HS3ST4: variants seen among roughly 807,000 people sequenced by gnomAD.
HS3ST4 encodes the protein heparan sulfate-glucosamine 3-sulfotransferase 4.
A neutral mutation model predicts 29.2 loss-of-function variants in HS3ST4; 17 were observed. The observed-to-expected ratio is 0.58, with a 90% CI of 0.40 to 0.87. The LOEUF (loss-of-function observed/expected upper bound fraction) is 0.87, where lower values mean the gene tolerates loss of function less well. Ranked by LOEUF, HS3ST4 falls within the 40% of genes least tolerant of loss-of-function variation. The pLI, the probability that HS3ST4 is intolerant of heterozygous loss-of-function variation, is 0.00. For missense variants in HS3ST4, 627 were observed against 634.5 expected (o/e 0.99, Z 0.13); for synonymous variants, 314 against 285.7 (o/e 1.10, Z -1.00).
At chr16:25,746,891 C>T (rs1004310769) in intron 1 of HS3ST4, among the ~76,000 whole-genome samples, 12 of 151,998 alleles carry the variant, frequency 7.9e-5, no homozygotes, top group South Asian at 2.1e-4. Context: ...CTCCATCACC[C>T]GTGCTGAAAT....
At chr16:26,022,452 T>C (rs1004514494) in intron 1 of HS3ST4, among the ~76,000 whole-genome samples, 1 of 152,132 alleles carries the variant, frequency 6.6e-6, no homozygotes, top group Non-Finnish European at 1.5e-5. Context: ...ATGCTCTAAA[T>C]CAAGGGCCCA....
chr16:26,002,716 G>T (rs1156853300), intron 1 of HS3ST4, among the ~76,000 whole-genome samples: 1 of 128,298 alleles, frequency 7.8e-6, no homozygotes, highest in Non-Finnish European at 1.7e-5. Context: ...GGGAAGGAAG[G>T]AAGGGAGGGA....
chr16:25,942,335 G>A (rs77690898), intron 1 of HS3ST4, among the ~76,000 whole-genome samples: 7,101 of 152,232 alleles, frequency 0.047, 238 homozygotes, highest in East Asian at 0.096. Context: ...CCAGTGAAGA[G>A]TTCTGAATGT....
intron 1 of HS3ST4, among the ~76,000 whole-genome samples, chr16:26,064,031 G>T (rs1344072317): frequency 6.6e-6 from 1 of 152,150 alleles, no homozygotes; most frequent in Non-Finnish European, 1.5e-5. Flanking sequence ...AGTCGATTAG[G>T]TTTATGACTA....
chr16:25,972,221 G>T (rs1017713071), intron 1 of HS3ST4, among the ~76,000 whole-genome samples: 2 of 152,298 alleles, frequency 1.3e-5, no homozygotes, highest in South Asian at 4.1e-4. Flanking sequence ...TGTAACAGGC[G>T]GTTGTATGGG....
At chr16:25,752,920 G>T (rs927348792) in intron 1 of HS3ST4, among the ~76,000 whole-genome samples, 5 of 152,140 alleles carry the variant, frequency 3.3e-5, no homozygotes, top group African/African-American at 1.2e-4. Context: ...TTAGACTGAC[G>T]GTATTATAGA....
intron 1 of HS3ST4, among the ~76,000 whole-genome samples, chr16:26,019,337 T>C (rs755095885): frequency 6.6e-6 from 1 of 152,220 alleles, no homozygotes. Context: ...TCATTATGTA[T>C]GCAAAAATGG....
intron 1 of HS3ST4, among the ~76,000 whole-genome samples, chr16:25,950,247 G>C (rs564805002): frequency 1.2e-4 from 18 of 152,070 alleles, no homozygotes; most frequent in African/African-American, 4.3e-4. Flanking sequence ...CTTTGGCCTG[G>C]GTCTTCATCT....
intron 1 of HS3ST4, among the ~76,000 whole-genome samples, chr16:26,078,076 T>TA (rs1287126849): frequency 6.6e-6 from 1 of 152,288 alleles, no homozygotes; most frequent in East Asian, 1.9e-4. Flanking sequence ...AAAAAATATG[T>TA]AAAAAAATGA....
intron 1 of HS3ST4, among the ~76,000 whole-genome samples, chr16:25,989,889 C>T (rs922228819): frequency 6.6e-6 from 1 of 152,148 alleles, no homozygotes; most frequent in African/African-American, 2.4e-5. Context: ...GTTTAATCAC[C>T]GGAAGTCCAT....
At chr16:25,777,426 T>C (rs1212419257) in intron 1 of HS3ST4, among the ~76,000 whole-genome samples, 1 of 151,750 alleles carries the variant, frequency 6.6e-6, no homozygotes, top group Non-Finnish European at 1.5e-5. Flanking sequence ...TGTGTGTGTG[T>C]GTGTGTGTGT....
intron 1 of HS3ST4, among the ~76,000 whole-genome samples, chr16:25,740,155 C>T (rs1460935971): frequency 1.3e-5 from 2 of 152,104 alleles, no homozygotes; most frequent in Non-Finnish European, 2.9e-5. Flanking sequence ...GAGCCTACTG[C>T]ATCGTTCTAG....
At chr16:25,822,382 A>T (rs1289273072) in intron 1 of HS3ST4, among the ~76,000 whole-genome samples, 6 of 152,096 alleles carry the variant, frequency 3.9e-5, no homozygotes, top group Non-Finnish European at 8.8e-5. Context: ...CTCACCTCTT[A>T]ATACTACCAC....
intron 1 of HS3ST4, among the ~76,000 whole-genome samples, chr16:25,850,915 C>T (rs952285721): frequency 6.6e-6 from 1 of 152,128 alleles, no homozygotes; most frequent in Non-Finnish European, 1.5e-5. Context: ...ATGCATAAGG[C>T]GATACTGTGT....
intron 1 of HS3ST4, among the ~76,000 whole-genome samples, chr16:26,037,818 C>T (rs1195444754): frequency 6.6e-6 from 1 of 152,150 alleles, no homozygotes; most frequent in African/African-American, 2.4e-5. Flanking sequence ...CAAGAGTGGC[C>T]CACATGATGC....
intron 1 of HS3ST4, among the ~76,000 whole-genome samples, chr16:26,109,622 C>T (rs570118978): frequency 2.8e-4 from 43 of 152,120 alleles, no homozygotes; most frequent in African/African-American, 7.2e-4. Flanking sequence ...AGCCTTGGAT[C>T]GTTTCTCATC....
intron 1 of HS3ST4, among the ~76,000 whole-genome samples, chr16:25,952,528 A>C (rs1026506741): frequency 6.6e-6 from 1 of 152,164 alleles, no homozygotes; most frequent in African/African-American, 2.4e-5. Flanking sequence ...CAGTTTCTTC[A>C]TTTGTAAGAA....
At chr16:25,857,781 T>G (rs1478743923) in intron 1 of HS3ST4, among the ~76,000 whole-genome samples, 1 of 152,130 alleles carries the variant, frequency 6.6e-6, no homozygotes, top group Non-Finnish European at 1.5e-5. Flanking sequence ...AACATACACA[T>G]ATATAATTCT....
intron 1 of HS3ST4, among the ~76,000 whole-genome samples, chr16:26,108,171 G>C (rs1454869801): frequency 6.6e-6 from 1 of 152,016 alleles, no homozygotes; most frequent in Non-Finnish European, 1.5e-5. Context: ...ATCACACTGT[G>C]GTTTTAATTT....
Sources: allele counts gnomAD v4.1 joint callset (sites outside exome capture counted in the v4.1 genomes callset), GRCh38; gene constraint gnomAD v4.1.1; transcripts MANE v1.5; gene names NCBI Gene and HGNC (gene_info 2026-07-23, HGNC 2026-07-21).